GNG2: variants seen among roughly 807,000 people sequenced by gnomAD.
GNG2 encodes guanine nucleotide-binding protein G(I)/G(S)/G(O) subunit gamma-2.
A neutral mutation model predicts 5.5 loss-of-function variants in GNG2; 5 were observed. The observed-to-expected ratio is 0.91, with a 90% confidence interval of 0.48 to 1.92. The LOEUF (loss-of-function observed/expected upper bound fraction) is 1.92. GNG2 is among the 30% of genes most tolerant of loss of function. GNG2 has a pLI of 0.01. For missense variants in GNG2, 55 were observed against 88.4 expected (o/e 0.62, Z 1.52); for synonymous variants, 28 against 32.0 (o/e 0.88, Z 0.42).
intron 2 of GNG2, among the ~76,000 whole-genome samples, chr14:51,906,147 C>A (rs1222390166): frequency 6.6e-6 from 1 of 152,232 alleles, no homozygotes; most frequent in African/African-American, 2.4e-5. Context: ...AGAATCTGGG[C>A]TTCCCAAATG....
chr14:51,925,676 A>T (rs1887267675), intron 2 of GNG2, among the ~76,000 whole-genome samples: 1 of 152,116 alleles, frequency 6.6e-6, no homozygotes, highest in African/African-American at 2.4e-5. Flanking sequence ...CAGTGGCATC[A>T]TCTCAGCTTA....
At chr14:51,962,569 G>A (rs1275401636) in intron 3 of GNG2, among the ~76,000 whole-genome samples, 1 of 152,136 alleles carries the variant, frequency 6.6e-6, no homozygotes, top group African/African-American at 2.4e-5. Flanking sequence ...CAAATTAATT[G>A]CCTTTATTTA....
chr14:51,951,885 A>G, intron 3 of GNG2: 1 of 702,186 alleles, frequency 1.4e-6, no homozygotes, highest in East Asian at 2.7e-5. Flanking sequence ...GGTGTTTCAC[A>G]GGAAGTTCAC....
At chr14:51,950,241 T>C (rs1048153067) in intron 2 of GNG2, among the ~76,000 whole-genome samples, 7 of 152,162 alleles carry the variant, frequency 4.6e-5, no homozygotes, top group South Asian at 2.1e-4. Context: ...CAAACTTTAA[T>C]TTCAAATAGA....
chr14:51,895,113 G>A (rs1172506134), intron 2 of GNG2, among the ~76,000 whole-genome samples: 2 of 151,636 alleles, frequency 1.3e-5, no homozygotes, highest in African/African-American at 4.8e-5. Context: ...GCCATTTAGT[G>A]AAAATTACAG....
At chr14:51,906,922 A>AT (rs553223905) in intron 2 of GNG2, among the ~76,000 whole-genome samples, 103 of 151,810 alleles carry the variant, frequency 6.8e-4, no homozygotes, top group African/African-American at 2.3e-3. Flanking sequence ...CACCCGGCTA[A>AT]TTTTTTGTAT....
In GNG2 at chr14:51,967,816, A is replaced by C. The variant is rs1890011560; in HGVS notation, c.*1129A>C. 1 of 151,698 alleles carries C rather than the reference A, an allele frequency of 6.6e-6. No individual in the cohort carries two copies. The allele number at this position is 151,698 out of a possible 1,614,324, so 9.4% of individuals were successfully genotyped here. ...CATGGACATTCTAGATTAAAAGAAC[A>C]TTTTTTTGTGCTCTTAACAAGAAAA... On this transcript the variant is annotated 3_prime_UTR_variant, in exon 4 of 4. Coordinates refer to ENST00000556766, the MANE Select transcript of GNG2 (RefSeq NM_053064.5).
At chr14:51,844,528 T>G (rs987428932) in intron 2 of GNG2, among the ~76,000 whole-genome samples, 4 of 152,110 alleles carry the variant, frequency 2.6e-5, no homozygotes, top group African/African-American at 4.8e-5. Context: ...TGTGTGTGTG[T>G]GGGTGGAGAG....
chr14:51,902,048 A>G (rs1486286444), intron 2 of GNG2, among the ~76,000 whole-genome samples: 1 of 151,018 alleles, frequency 6.6e-6, no homozygotes, highest in East Asian at 1.9e-4. Flanking sequence ...TCCATAATGT[A>G]GCATGTATAT....
chr14:51,837,498 T>C (rs10220392), intron 2 of GNG2, among the ~76,000 whole-genome samples: 34,039 of 151,728 alleles, frequency 0.22, 4,502 homozygotes, highest in African/African-American at 0.36. Context: ...TACAAAAATA[T>C]TAGCCATGTG....
chr14:51,836,852 T>G, intron 2 of GNG2, among the ~76,000 whole-genome samples: 1 of 126,006 alleles, frequency 7.9e-6, no homozygotes, highest in Non-Finnish European at 1.7e-5. Context: ...TTAAGTGACT[T>G]CATCTTTTTT....
intron 2 of GNG2, among the ~76,000 whole-genome samples, chr14:51,928,026 CTTTTTTTTTTTT>C (rs35561589): frequency 2.9e-5 from 3 of 103,054 alleles, no homozygotes; most frequent in Non-Finnish European, 5.7e-5. Context: ...CTCTCTCTCT[CTTTTTTTTTTTT>C]TTTTTTTTTG....
At chr14:51,946,349 G>T (rs1888643093) in intron 2 of GNG2, among the ~76,000 whole-genome samples, 1 of 152,208 alleles carries the variant, frequency 6.6e-6, no homozygotes, top group Non-Finnish European at 1.5e-5. Context: ...GTTGTCTGAT[G>T]TATGAAGAAA....
intron 2 of GNG2, among the ~76,000 whole-genome samples, chr14:51,903,994 G>A (rs962413755): frequency 2.0e-5 from 3 of 152,148 alleles, no homozygotes; most frequent in African/African-American, 4.8e-5. Flanking sequence ...ACCATAGAAG[G>A]AATTTCTCAA....
chr14:51,958,931 A>G (rs140067521), intron 3 of GNG2, among the ~76,000 whole-genome samples: 1 of 152,296 alleles, frequency 6.6e-6, no homozygotes, highest in Non-Finnish European at 1.5e-5. Flanking sequence ...TTCTCTCATC[A>G]AGATCACCAA....
chr14:51,962,223 A>G lies in GNG2; in HGVS notation c.88-4336A>G, dbSNP rs565321274. ...TTAAATAATATTATTTAAAATATCA[A>G]TTTTTAAAAATATATGTGATGTAGT... On this transcript the variant is annotated intron_variant, in intron 3 of 3. Transcript: ENST00000556766. Among the ~76,000 whole-genome samples the G allele has an allele frequency of 2.0e-5, 3 of 152,266 alleles. No individual in the cohort carries two copies. The East Asian group carries it at 5.8e-4, about 29-fold the overall frequency.
chr14:51,875,101 A>C (rs564924710), intron 1 of GNG2, among the ~76,000 whole-genome samples: 2 of 152,384 alleles, frequency 1.3e-5, no homozygotes, highest in East Asian at 1.9e-4. Context: ...AGTGGCTAAC[A>C]TAAGTTAGAA....
At chr14:51,847,429 G>A (rs1881668372) in intron 2 of GNG2, 1 of 152,342 alleles carries the variant, frequency 6.6e-6, no homozygotes, top group African/African-American at 2.4e-5. Context: ...TGGGGGCACA[G>A]CTCTACTTTT....
intron 3 of GNG2, among the ~76,000 whole-genome samples, chr14:51,953,859 G>A (rs952279433): frequency 6.6e-6 from 1 of 152,158 alleles, no homozygotes; most frequent in African/African-American, 2.4e-5. Flanking sequence ...TCTCTCTGAA[G>A]ATCCCAGGCT....
Sources: allele counts gnomAD v4.1 joint callset (sites outside exome capture counted in the v4.1 genomes callset), GRCh38; gene constraint gnomAD v4.1.1; transcripts MANE v1.5; gene names NCBI Gene and HGNC (gene_info 2026-07-23, HGNC 2026-07-21).